The following AFG2A variants were observed in gnomAD, a reference collection of about 807,000 sequenced individuals.
The protein encoded by AFG2A is AAA ATPase AFG2A, also known as ATPase family gene 2 protein homolog A.
At chr4:123,058,489 G>A in the AFG2A span, among the ~76,000 whole-genome samples, 2 of 152,206 alleles carry the variant, frequency 1.3e-5, no homozygotes, top group African/African-American at 4.8e-5. Flanking sequence ...GCTGGGCGTG[G>A]TGGTGGTTGC....
the AFG2A span, among the ~76,000 whole-genome samples, chr4:123,123,951 CAAAAA>C: frequency 3.6e-4 from 13 of 35,730 alleles, no homozygotes; most frequent in South Asian, 1.7e-3. Context: ...AACTCCGTCT[CAAAAA>C]AAAAAAAAAA....
chr4:123,088,901 G>T, the AFG2A span, among the ~76,000 whole-genome samples: 6 of 152,018 alleles, frequency 3.9e-5, no homozygotes, highest in Non-Finnish European at 7.4e-5. Flanking sequence ...GTGTGAGAAC[G>T]GTCTAATACA....
the AFG2A span, among the ~76,000 whole-genome samples, chr4:123,283,187 G>A: frequency 2.0e-5 from 3 of 152,026 alleles, no homozygotes; most frequent in Non-Finnish European, 4.4e-5. Flanking sequence ...ATTGTGCTGC[G>A]AATGATGTTT....
chr4:123,140,828 T>G, the AFG2A span, among the ~76,000 whole-genome samples: 1 of 152,130 alleles, frequency 6.6e-6, no homozygotes, highest in Non-Finnish European at 1.5e-5. Context: ...ATGAGAAAGA[T>G]TTTACTTGTT....
chr4:123,024,474 GCGTTTGCTCAAA>G, the AFG2A span, among the ~76,000 whole-genome samples: 2 of 152,326 alleles, frequency 1.3e-5, no homozygotes, highest in Admixed American at 1.3e-4. Flanking sequence ...GGTGGTGTAA[GCGTTTGCTCAAA>G]CGAGAGTCCC....
chr4:122,934,276 C>G, the AFG2A span: 1 of 1,614,064 alleles, frequency 6.2e-7, no homozygotes, highest in African/African-American at 1.3e-5. Flanking sequence ...AACCAGTAGC[C>G]TGGAGTTATC....
the AFG2A span, among the ~76,000 whole-genome samples, chr4:123,289,090 C>A: frequency 1.3e-5 from 2 of 152,232 alleles, no homozygotes; most frequent in African/African-American, 4.8e-5. Flanking sequence ...GTGGTGAAGT[C>A]TGGGCTTTTA....
At chr4:123,057,359 A>G in the AFG2A span, 1 of 1,474,022 alleles carries the variant, frequency 6.8e-7, no homozygotes. Context: ...ATTATGGTAT[A>G]AATAGCATTT....
chr4:123,122,783 T>TG, the AFG2A span, among the ~76,000 whole-genome samples: 4 of 149,860 alleles, frequency 2.7e-5, no homozygotes, highest in African/African-American at 9.7e-5. Flanking sequence ...GTTTTTTTGT[T>TG]TTTTTTTTTT....
the AFG2A span, among the ~76,000 whole-genome samples, chr4:123,017,325 T>C: frequency 6.6e-6 from 1 of 150,446 alleles, no homozygotes; most frequent in East Asian, 1.9e-4. Context: ...ATAGTTGCCT[T>C]ATGGCACCAT....
At chr4:123,155,407 TTTC>T in the AFG2A span, among the ~76,000 whole-genome samples, 1 of 152,230 alleles carries the variant, frequency 6.6e-6, no homozygotes, top group South Asian at 2.1e-4. Flanking sequence ...TTTTTTCTCC[TTTC>T]TTCTCATTGT....
At chr4:123,182,502 CT>C in the AFG2A span, among the ~76,000 whole-genome samples, 1 of 152,180 alleles carries the variant, frequency 6.6e-6, no homozygotes, top group Non-Finnish European at 1.5e-5. Context: ...CAGAAATTTG[CT>C]GACTAATTCT....
chr4:123,229,770 G>T, the AFG2A span, among the ~76,000 whole-genome samples: 2 of 151,866 alleles, frequency 1.3e-5, no homozygotes, highest in Non-Finnish European at 2.9e-5. Flanking sequence ...TGTATGCTGT[G>T]TCAGTTAGAG....
chr4:122,979,411 GCTACA>G, the AFG2A span: 6 of 1,606,896 alleles, frequency 3.7e-6, no homozygotes, highest in Admixed American at 3.4e-5. Context: ...TCCCACACTA[GCTACA>G]CTGTTTGAAT....
At chr4:123,009,451 T>C in the AFG2A span, among the ~76,000 whole-genome samples, 1 of 152,230 alleles carries the variant, frequency 6.6e-6, no homozygotes, top group Non-Finnish European at 1.5e-5. Context: ...TACTGGGATA[T>C]TGTGCCTGAT....
the AFG2A span, among the ~76,000 whole-genome samples, chr4:123,002,819 T>C: frequency 2.2e-4 from 33 of 152,290 alleles, no homozygotes; most frequent in African/African-American, 7.7e-4. Flanking sequence ...CTTTGTTTTG[T>C]TGTCTGTATT....
At chr4:123,105,187 G>A in the AFG2A span, among the ~76,000 whole-genome samples, 1 of 152,166 alleles carries the variant, frequency 6.6e-6, no homozygotes, top group African/African-American at 2.4e-5. Context: ...CTAGGGTTCT[G>A]AACAGTTATG....
At chr4:123,123,820 C>T in the AFG2A span, among the ~76,000 whole-genome samples, 7 of 151,120 alleles carry the variant, frequency 4.6e-5, no homozygotes, top group Middle Eastern at 3.4e-3. Flanking sequence ...GGCATGGTGG[C>T]GCGCGCCTGT....
the AFG2A span, among the ~76,000 whole-genome samples, chr4:123,286,182 C>T: frequency 0.02 from 3,041 of 152,222 alleles, 44 homozygotes; most frequent in Middle Eastern, 0.037. Context: ...ATACTGACTC[C>T]ACAGTGTTCT....
Sources: gnomAD v4.1 joint callset for allele counts (sites outside exome capture counted in the v4.1 genomes callset) on GRCh38, gnomAD v4.1.1 for gene constraint, MANE v1.5 for transcripts, NCBI Gene and HGNC (gene_info 2026-07-23, HGNC 2026-07-21) for gene names.